POLR2F: variants seen among roughly 807,000 people sequenced by gnomAD.
POLR2F encodes DNA-directed RNA polymerases I, II, and III subunit RPABC2.
POLR2F carries 12 observed loss-of-function variants against 22.7 expected under a neutral mutation model. The observed-to-expected ratio is 0.53, with a 90% CI of 0.34 to 0.86. The LOEUF (loss-of-function observed/expected upper bound fraction) is 0.86, where lower values mean the gene tolerates loss of function less well. POLR2F is among the 40% of genes least tolerant of loss of function. POLR2F has a pLI of 0.02. For missense variants in POLR2F, 126 were observed against 171.5 expected (o/e 0.73, Z 1.48); for synonymous variants, 57 against 66.0 (o/e 0.86, Z 0.66).
rs2084925329 is a variant in POLR2F, at chr22:38,017,496, GCCTGTGGGTGTCTC to G, written c.121-8369_121-8356del. 6.6e-6 allele frequency among the ~76,000 whole-genome samples: 1 copy of G among 152,184 alleles called. No homozygotes were observed. Among genetic ancestry groups the G allele is most frequent in the Non-Finnish European group, 1.5e-5 (1 of 68,030 alleles). ...CTCCCAAGTTGTTCGCCATCTCTGG[GCCTGTGGGTGTCTC>G]CCTCTTCAGGTAATGGGCTGTAGGG... On this transcript the variant is annotated intron_variant, in intron 1 of 2. Coordinates refer to the POLR2F transcript ENST00000333418. This position sits in a 1 kb window ranked among gnomAD's most constrained non-coding sequence, Gnocchi z 4.1.
chr22:38,041,479 G>C (rs1430893699), downstream of POLR2F: 2 of 281,036 alleles, frequency 7.1e-6, no homozygotes, highest in Non-Finnish European at 1.4e-5. Context: ...AAAAGCTCCA[G>C]CCCCCGGACA....
chr22:37,987,523 C>T (rs1259221004), intron 1 of POLR2F: 1 of 353,046 alleles, frequency 2.8e-6, no homozygotes, highest in Non-Finnish European at 5.6e-6. Context: ...TCACGTGGGG[C>T]GATGGTCACC....
chr22:38,007,789 G>A (rs1161551967), intron 1 of POLR2F, among the ~76,000 whole-genome samples: 1 of 152,244 alleles, frequency 6.6e-6, no homozygotes, highest in African/African-American at 2.4e-5. Flanking sequence ...GTAGATTTCT[G>A]TCCTGAAGAA....
chr22:37,987,004 C>T (rs1438011912), intron 1 of POLR2F: 1 of 454,694 alleles, frequency 2.2e-6, no homozygotes, highest in Non-Finnish European at 4.4e-6. Context: ...GGCAGGGGTC[C>T]CTTTACCCCC....
chr22:37,970,432 C>T (rs564318549), downstream of POLR2F, among the ~76,000 whole-genome samples: 1 of 124,394 alleles, frequency 8.0e-6, no homozygotes, highest in South Asian at 2.7e-4. Flanking sequence ...GAAACCCTGT[C>T]TCTACTTAAA....
intron 3 of POLR2F, among the ~76,000 whole-genome samples, chr22:37,964,896 G>A (rs1274571982): frequency 1.3e-5 from 2 of 151,788 alleles, no homozygotes; most frequent in Non-Finnish European, 2.9e-5. Context: ...TTCTTGGGGA[G>A]CAAAGCTTGA....
At chr22:38,037,125 G>A (rs1380870958) in intron 5 of POLR2F, among the ~76,000 whole-genome samples, 4 of 152,286 alleles carry the variant, frequency 2.6e-5, no homozygotes, top group South Asian at 2.1e-4. Context: ...TATCTGCTCC[G>A]TGAGGGTAAG....
intron 1 of POLR2F, chr22:38,025,745 T>C: frequency 1.3e-6 from 2 of 1,529,362 alleles, no homozygotes; most frequent in Middle Eastern, 3.5e-4. Context: ...TTGCTGATGG[T>C]CTCACCCGAG....
rs1382349551 is a variant in POLR2F, at chr22:38,010,602, G to GGTTTT, written c.121-15267_121-15266insGTTTT. Among the ~76,000 whole-genome samples, 243 of 60,878 alleles carry GGTTTT rather than the reference G, an allele frequency of 4.0e-3. 7 individuals carry two copies. Among genetic ancestry groups the GGTTTT allele is most frequent in the African/African-American group, 0.017 (236 of 13,864 alleles). The allele number at this position is 60,878 out of a possible 152,430, so 39.9% of individuals were successfully genotyped here. A position where few individuals can be genotyped will look rare whatever the true frequency, so the allele number is the denominator to read the frequency against. On this transcript the variant is annotated intron_variant, in intron 1 of 2. Coordinates refer to the POLR2F transcript ENST00000333418. ...TAAATATGTAGTAATAATTCCTTGT[G>GGTTTT]TTTTTTTTTTTTTTTTTTTTTTTTT...
At chr22:38,013,154 T>C (rs991940019) in intron 1 of POLR2F, among the ~76,000 whole-genome samples, 5 of 151,916 alleles carry the variant, frequency 3.3e-5, no homozygotes, top group Admixed American at 3.3e-4. Flanking sequence ...TCTTCTTTCT[T>C]TTTCTTTTTT....
At chr22:38,002,785 G>T (rs1232177717) in intron 1 of POLR2F, among the ~76,000 whole-genome samples, 1 of 150,676 alleles carries the variant, frequency 6.6e-6, no homozygotes, top group East Asian at 2.0e-4. Flanking sequence ...GAGTGCAGTG[G>T]CGCCATCTCA....
At chr22:38,028,680 A>G (rs953833706), downstream of POLR2F, among the ~76,000 whole-genome samples, 2 of 152,164 alleles carry the variant, frequency 1.3e-5, no homozygotes, top group Admixed American at 6.5e-5. Flanking sequence ...CAGCGGCCAC[A>G]TAGCCACTGT....
In POLR2F at chr22:38,021,326, A is replaced by C. The variant is rs73417870; in HGVS notation, c.121-4543A>C. On this transcript the variant is annotated intron_variant, in intron 1 of 2. Coordinates refer to the POLR2F transcript ENST00000333418. ...ACTTGGCCATGGGGCTGCCTTTGCCAAGCTCTTCCTTGTGGTTTGATAAGA... is the reference window on the plus strand; with the variant it reads ...ACTTGGCCATGGGGCTGCCTTTGCCCAGCTCTTCCTTGTGGTTTGATAAGA... Among the ~76,000 whole-genome samples the C allele has an allele frequency of 4.9e-3, 746 of 152,278 alleles. 11 individuals carry two copies. Among genetic ancestry groups the C allele is most frequent in the African/African-American group, 0.017 (707 of 41,544 alleles).
chr22:37,979,200 C>T (rs768409486), intron 4 of POLR2F, among the ~76,000 whole-genome samples: 20 of 151,678 alleles, frequency 1.3e-4, no homozygotes, highest in Non-Finnish European at 2.2e-4. Context: ...TGAGTTCAAG[C>T]GATTCTCCTG....
Position 37,986,376 on chromosome 22 carries a change from C to G in POLR2F, c.120+64C>G, listed in dbSNP as rs974615855. Reference sequence around the variant, plus strand: ...TCTTTGAGGAAAGGACCTCCCCGCTCTCTGCTGTGTCTGTGACTGGCCTGA... The same window carrying G: ...TCTTTGAGGAAAGGACCTCCCCGCTGTCTGCTGTGTCTGTGACTGGCCTGA... On this transcript the variant is annotated intron_variant, in intron 1 of 2. Transcript: ENST00000333418. This position sits in a 1 kb window ranked among gnomAD's most constrained non-coding sequence, Gnocchi z 4.7. The G allele has an allele frequency of 3.9e-6, 6 of 1,529,090 alleles. No homozygotes were observed. The African/African-American group carries it at 8.2e-5, about 21-fold the overall frequency. The allele number at this position is 1,529,090 out of a possible 1,614,324, so 94.7% of individuals were successfully genotyped here.
chr22:37,987,154 G>C (rs189290901), intron 1 of POLR2F: 14 of 456,674 alleles, frequency 3.1e-5, no homozygotes, highest in Admixed American at 2.6e-4. Flanking sequence ...CTTCTCTCAG[G>C]GTGTTTATTC....
chr22:37,968,531 A>G lies in POLR2F; in HGVS notation c.*816A>G, dbSNP rs1931946934. 2 of 985,634 alleles carry G rather than the reference A, an allele frequency of 2.0e-6. No homozygotes were observed. The highest frequency in any genetic ancestry group is 2.4e-6 in the Non-Finnish European group (2 of 830,194). 61.1% of individuals were successfully genotyped at this position (985,634 alleles called of 1,614,324 possible). On this transcript the variant is annotated 3_prime_UTR_variant, in exon 5 of 5. Coordinates refer to ENST00000442738, the MANE Select transcript of POLR2F (RefSeq NM_021974.5). Reference sequence around the variant, plus strand: ...CTCCTGGGTTCCAGGTGTTACATTAAGTCAGAGCTGGAGTTCCCCCTTCCT... The same window carrying G: ...CTCCTGGGTTCCAGGTGTTACATTAGGTCAGAGCTGGAGTTCCCCCTTCCT...
upstream of POLR2F, among the ~76,000 whole-genome samples, chr22:37,984,772 G>T (rs865914583): frequency 5.9e-5 from 9 of 152,278 alleles, no homozygotes; most frequent in Non-Finnish European, 1.0e-4. This position sits in a 1 kb window ranked among gnomAD's most constrained non-coding sequence, Gnocchi z 4.4. Flanking sequence ...TCTGGGAGGT[G>T]GAGGGGAGGT....
chr22:37,969,051 G>T lies in POLR2F; in HGVS notation c.*1336G>T. 1.0e-6 allele frequency: 1 copy of T among 985,416 alleles called. No homozygotes were observed. The highest frequency in any genetic ancestry group is 1.2e-6 in the Non-Finnish European group (1 of 829,962). The allele number at this position is 985,416 out of a possible 1,614,324, so 61.0% of individuals were successfully genotyped here. On this transcript the variant is annotated 3_prime_UTR_variant, in exon 5 of 5. Transcript: ENST00000442738. Reference sequence around the variant, plus strand: ...CCCAGAGTGCGGGGGTCACTTTCTCGGCCCCATTTCTCTAAATGGTCTCTT... The same window carrying T: ...CCCAGAGTGCGGGGGTCACTTTCTCTGCCCCATTTCTCTAAATGGTCTCTT...
Sources: allele counts gnomAD v4.1 joint callset (sites outside exome capture counted in the v4.1 genomes callset), GRCh38; gene constraint gnomAD v4.1.1; non-coding constraint Gnocchi (gnomAD v3.1); transcripts MANE v1.5; gene names NCBI Gene and HGNC (gene_info 2026-07-23, HGNC 2026-07-21).